Variants in TLCD4 observed in about 807,000 individuals in gnomAD.
TLCD4 encodes TLC domain-containing protein 4.
Under a neutral mutation model 24.2 loss-of-function variants are expected in TLCD4, and 7 were observed. The ratio of observed to expected loss-of-function variants is 0.29; its 90% CI spans 0.16 to 0.54. The LOEUF (loss-of-function observed/expected upper bound fraction) is 0.54, where lower values mean the gene tolerates loss of function less well. TLCD4 is among the 20% of genes least tolerant of loss of function. TLCD4 has a pLI of 0.95. For missense variants in TLCD4, 259 were observed against 313.9 expected, an observed-to-expected ratio of 0.82 and a Z score of 1.32; for synonymous variants, 103 against 106.4, an observed-to-expected ratio of 0.97 and a Z score of 0.20.
chr1:95,143,837 T>G, intron 1 of TLCD4, 54 bp from the exon 2 acceptor site: 1 of 1,309,388 alleles, frequency 7.6e-7, no homozygotes, highest in Non-Finnish European at 9.8e-7. Context: ...AATAAAAAAA[T>G]TACTCTAGGT....
At chr1:95,139,455 A>ATTTTTTTTTTTTTTTTTTTTTTTTT (rs200337389) in intron 1 of TLCD4, among the ~76,000 whole-genome samples, 2 of 93,992 alleles carry the variant, frequency 2.1e-5, no homozygotes, top group Non-Finnish European at 4.1e-5. Flanking sequence ...TAAACCTTTG[A>ATTTTTTTTTTTTTTTTTTTTTTTTT]TTTTTTTTTT....
the TLCD4 span, among the ~76,000 whole-genome samples, chr1:95,105,290 A>T: frequency 2.0e-5 from 3 of 152,238 alleles, no homozygotes; most frequent in Admixed American, 2.0e-4. Context: ...GTCAGGGACT[A>T]TCTGCATAAG....
chr1:95,147,461 C>G (rs997222588), intron 2 of TLCD4, among the ~76,000 whole-genome samples: 1 of 152,150 alleles, frequency 6.6e-6, no homozygotes, highest in Non-Finnish European at 1.5e-5. Context: ...ATTAATTATT[C>G]ACATTTCAAA....
intron 1 of TLCD4, among the ~76,000 whole-genome samples, chr1:95,118,951 CGCCT>C (rs2100896665): frequency 6.6e-6 from 1 of 152,060 alleles, no homozygotes; most frequent in South Asian, 2.1e-4. Context: ...TTTTTTTCTA[CGCCT>C]GCAACTCCTT....
intron 6 of TLCD4, among the ~76,000 whole-genome samples, chr1:95,176,858 G>C (rs1201148406): frequency 6.6e-6 from 1 of 152,072 alleles, no homozygotes; most frequent in Admixed American, 6.6e-5. Flanking sequence ...TTAGAATGTG[G>C]ATATGTAGTT....
chr1:95,122,183 G>C (rs1191373173), intron 1 of TLCD4, among the ~76,000 whole-genome samples: 1 of 152,118 alleles, frequency 6.6e-6, no homozygotes, highest in African/African-American at 2.4e-5. Flanking sequence ...ATGGTGAAAT[G>C]CCGTCTCTAT....
the TLCD4 span, among the ~76,000 whole-genome samples, chr1:95,106,642 G>A: frequency 9.2e-5 from 14 of 152,148 alleles, no homozygotes; most frequent in African/African-American, 2.9e-4. Flanking sequence ...GCAGGGAGCC[G>A]AGATGGCACC....
chr1:95,095,921 G>A, the TLCD4 span, among the ~76,000 whole-genome samples: 2 of 152,160 alleles, frequency 1.3e-5, no homozygotes, highest in Non-Finnish European at 2.9e-5. Context: ...CTGTATACAA[G>A]ACTGCAAACA....
intron 6 of TLCD4, among the ~76,000 whole-genome samples, chr1:95,177,985 C>T (rs1678493693): frequency 6.9e-6 from 1 of 145,220 alleles, no homozygotes; most frequent in Admixed American, 7.0e-5. Flanking sequence ...GAGTCTCGCT[C>T]CATCGTCCAG....
intron 5 of TLCD4, among the ~76,000 whole-genome samples, chr1:95,158,308 C>T (rs1677688301): frequency 6.6e-6 from 1 of 151,406 alleles, no homozygotes; most frequent in African/African-American, 2.4e-5. Context: ...CTGCCTCAGC[C>T]TCCTGAGTAG....
At chr1:95,135,437 C>T (rs1459494125) in intron 1 of TLCD4, among the ~76,000 whole-genome samples, 1 of 148,918 alleles carries the variant, frequency 6.7e-6, no homozygotes, top group East Asian at 1.9e-4. Context: ...TCCTCTGTCG[C>T]CCAGGCTGGA....
intron 1 of TLCD4, among the ~76,000 whole-genome samples, chr1:95,131,340 G>C (rs1048957300): frequency 6.6e-6 from 1 of 152,172 alleles, no homozygotes; most frequent in African/African-American, 2.4e-5. Context: ...TTAGGGAATA[G>C]GATGTGCACA....
In TLCD4 at chr1:95,194,198, G is replaced by T. The variant is rs1679120237; in HGVS notation, c.*2330G>T. 1 of 152,076 alleles carries T rather than the reference G, an allele frequency of 6.6e-6. No homozygotes were observed. Among genetic ancestry groups the T allele is most frequent in the Non-Finnish European group, 1.5e-5 (1 of 67,972 alleles). The allele number at this position is 152,076 out of a possible 1,614,324, so 9.4% of individuals were successfully genotyped here. A position where few individuals can be genotyped will look rare whatever the true frequency, so the allele number is the denominator to read the frequency against. On this transcript the variant is annotated 3_prime_UTR_variant, in exon 7 of 7. Coordinates refer to ENST00000370203, the MANE Select transcript of TLCD4 (RefSeq NM_152487.3). ...ATCAAAATTTTGAACTAAAGTTTGT[G>T]ATTCTCTTATTCAGCAATCCTTATC...
At chr1:95,097,650 A>G in the TLCD4 span, among the ~76,000 whole-genome samples, 17 of 152,354 alleles carry the variant, frequency 1.1e-4, no homozygotes, top group African/African-American at 4.1e-4. Context: ...GAGAGAGGAC[A>G]CCAGGAATCA....
chr1:95,177,429 C>T (rs1678473026), intron 6 of TLCD4, among the ~76,000 whole-genome samples: 1 of 152,046 alleles, frequency 6.6e-6, no homozygotes, highest in South Asian at 2.1e-4. Context: ...CTGAATGAAG[C>T]CTCATGAATA....
chr1:95,130,399 G>A (rs1349019626), intron 1 of TLCD4, among the ~76,000 whole-genome samples: 1 of 152,112 alleles, frequency 6.6e-6, no homozygotes, highest in Admixed American at 6.5e-5. Context: ...TGATCCACTG[G>A]CCTCGGCCTC....
At chr1:95,128,077 G>T (rs989605688) in intron 1 of TLCD4, among the ~76,000 whole-genome samples, 4 of 152,146 alleles carry the variant, frequency 2.6e-5, no homozygotes, top group Non-Finnish European at 5.9e-5. Context: ...TTCTAGCCTG[G>T]GCGAAAGAGT....
chr1:95,143,939 G>T lies in TLCD4; in HGVS notation c.38G>T (p.Cys13Phe). ...INTKLLISVT[C>F]ISFFTFQLLF... The stretch of plus-strand genomic sequence containing the variant: ...ACAAAACTGCTCATCAGTGTTACCT[G>T]TATCAGCTTTTTCACCTTTCAGCTT... Residue 13 changes from cysteine (C) to phenylalanine (F), a missense_variant, in exon 2 of 7, where the codon TGT (cysteine) becomes TTT (phenylalanine). Cys to Phe is a radical substitution (Grantham distance 205). Coordinates refer to ENST00000370203, the MANE Select transcript of TLCD4 (RefSeq NM_152487.3). 1 of 1,557,610 alleles carries T rather than the reference G, an allele frequency of 6.4e-7. No individual in the cohort carries two copies. Among genetic ancestry groups the T allele is most frequent in the South Asian group, 1.2e-5 (1 of 80,728 alleles).
At chr1:95,104,768 C>A in the TLCD4 span, among the ~76,000 whole-genome samples, 2 of 151,740 alleles carry the variant, frequency 1.3e-5, no homozygotes, top group East Asian at 3.9e-4. Context: ...TGGCTCACAC[C>A]AGAAATCCCA....
Sources: gnomAD v4.1 joint callset for allele counts (sites outside exome capture counted in the v4.1 genomes callset) on GRCh38, gnomAD v4.1.1 for gene constraint, MANE v1.5 for transcripts, NCBI Gene and HGNC (gene_info 2026-07-23, HGNC 2026-07-21) for gene names.